The following GRIN2A variants were observed in gnomAD, a reference collection of about 807,000 sequenced individuals.
GRIN2A encodes the protein glutamate receptor ionotropic, NMDA 2A.
A neutral mutation model predicts 113.4 loss-of-function variants in GRIN2A; 22 were observed. The ratio of observed to expected loss-of-function variants is 0.19; its 90% CI spans 0.14 to 0.28. The LOEUF is 0.28. Ranked by LOEUF, GRIN2A falls within the 10% of genes least tolerant of loss-of-function variation. GRIN2A has a pLI of 1.00. For missense variants in GRIN2A, 1,502 were observed against 1,887.0 expected (o/e 0.80, Z 3.78); for synonymous variants, 827 against 738.4 (o/e 1.12, Z -1.94).
intron 2 of GRIN2A, among the ~76,000 whole-genome samples, chr16:10,138,145 C>T (rs56711591): frequency 0.024 from 3,615 of 152,294 alleles, 133 homozygotes; most frequent in African/African-American, 0.083. Flanking sequence ...GTAGATAATG[C>T]TTCATGAAAA....
In GRIN2A at chr16:9,938,112, T is replaced by A; in HGVS notation, c.854A>T (p.Asp285Val). ...CCTCACTCTCGCCTCCAGGCTGTAG[T>A]CCCAGTCATCGTAGGAGACAGAAAT... ...GLISVSYDDW[D>V]YSLEARVRDG... The change falls in exon 3 of 13, where the codon GAC becomes GTC. Residue 285 changes from aspartate to valine, a missense_variant. By Grantham distance (152) the Asp-to-Val change is radical (BLOSUM62 -3). Coordinates refer to ENST00000330684, the MANE Select transcript of GRIN2A (RefSeq NM_001134407.3). 1 of 1,614,074 alleles carries A rather than the reference T, an allele frequency of 6.2e-7. No individual in the cohort carries two copies. Among genetic ancestry groups the A allele is most frequent in the East Asian group, 2.2e-5 (1 of 44,844 alleles).
intron 2 of GRIN2A, among the ~76,000 whole-genome samples, chr16:9,978,108 T>C (rs1007231768): frequency 2.0e-5 from 3 of 152,148 alleles, no homozygotes; most frequent in Admixed American, 6.6e-5. Flanking sequence ...AGTTGGATGT[T>C]ATACTTCTAA....
At chr16:9,964,412 G>T (rs2141714367) in intron 2 of GRIN2A, among the ~76,000 whole-genome samples, 1 of 152,270 alleles carries the variant, frequency 6.6e-6, no homozygotes, top group Non-Finnish European at 1.5e-5. Context: ...GATCAGCCAT[G>T]GTGCGTTCAT....
chr16:9,776,481 C>T (rs945234548), intron 11 of GRIN2A, among the ~76,000 whole-genome samples: 8 of 152,044 alleles, frequency 5.3e-5, no homozygotes, highest in Non-Finnish European at 1.0e-4. Flanking sequence ...TTGTGATCCA[C>T]AGATCTGAGG....
chr16:9,818,253 C>G (rs979599961), intron 10 of GRIN2A, among the ~76,000 whole-genome samples: 6 of 151,846 alleles, frequency 4.0e-5, no homozygotes, highest in African/African-American at 1.4e-4. Flanking sequence ...TGGTGTAGCT[C>G]TGTGGTGGTA....
At chr16:10,081,681 C>G (rs1211629107) in intron 2 of GRIN2A, among the ~76,000 whole-genome samples, 1 of 152,182 alleles carries the variant, frequency 6.6e-6, no homozygotes, top group Admixed American at 6.5e-5. Context: ...AAGTTTCTAG[C>G]TGGAACTGGC....
chr16:9,818,214 A>G (rs1161965378), intron 10 of GRIN2A, among the ~76,000 whole-genome samples: 1 of 152,134 alleles, frequency 6.6e-6, no homozygotes, highest in Admixed American at 6.6e-5. Flanking sequence ...CGTTGAGAAG[A>G]CACAATCAAC....
chr16:9,796,543 T>C (rs1356512402), intron 11 of GRIN2A, among the ~76,000 whole-genome samples: 3 of 152,214 alleles, frequency 2.0e-5, no homozygotes, highest in Non-Finnish European at 4.4e-5. Context: ...CCACCTGACC[T>C]GCTTTGGACA....
At chr16:10,021,590 A>G (rs1440462753) in intron 2 of GRIN2A, among the ~76,000 whole-genome samples, 1 of 152,182 alleles carries the variant, frequency 6.6e-6, no homozygotes, top group East Asian at 1.9e-4. Context: ...GCAGGAGGGG[A>G]TTGACAGGAG....
intron 2 of GRIN2A, among the ~76,000 whole-genome samples, chr16:10,070,429 T>C (rs1596476528): frequency 6.6e-6 from 1 of 152,214 alleles, no homozygotes; most frequent in Non-Finnish European, 1.5e-5. Context: ...GATTTGTGCA[T>C]GCGTGTTAAA....
At position 10,045,773 on chromosome 16, in the gene GRIN2A, C is replaced by A. The variant is rs1596458939; in HGVS notation, c.415-107222G>T. On this transcript the variant is annotated intron_variant, in intron 2 of 12. Transcript: ENST00000330684. ...TGGGGTGCCCCACCCAACTTCCATG[C>A]CACCCTTTTCCAAGCTGATGGAGTC... Among the ~76,000 whole-genome samples, 3 of 152,332 alleles carry A rather than the reference C, an allele frequency of 2.0e-5. No homozygotes were observed. The South Asian group carries it at 6.2e-4, about 32-fold the overall frequency.
chr16:9,808,896 T>C (rs2042032547), intron 10 of GRIN2A, among the ~76,000 whole-genome samples: 1 of 151,976 alleles, frequency 6.6e-6, no homozygotes, highest in African/African-American at 2.4e-5. Context: ...ATATGACTGA[T>C]AGCCCTCATC....
At chr16:10,001,851 G>A (rs969744199) in intron 2 of GRIN2A, among the ~76,000 whole-genome samples, 2 of 152,154 alleles carry the variant, frequency 1.3e-5, no homozygotes, top group Non-Finnish European at 1.5e-5. Flanking sequence ...CAAATAAAAT[G>A]TCCACCACAA....
At chr16:10,052,639 C>G (rs1009390095) in intron 2 of GRIN2A, among the ~76,000 whole-genome samples, 2 of 152,180 alleles carry the variant, frequency 1.3e-5, no homozygotes. Flanking sequence ...AATGTAGGTC[C>G]TGTGCTGGAT....
chr16:10,144,053 C>G (rs1000660168), intron 2 of GRIN2A, among the ~76,000 whole-genome samples: 1 of 152,026 alleles, frequency 6.6e-6, no homozygotes, highest in African/African-American at 2.4e-5. Flanking sequence ...CATGAGGGTA[C>G]AGATATTTCT....
chr16:9,991,137 A>G (rs918705969), intron 2 of GRIN2A, among the ~76,000 whole-genome samples: 1 of 152,234 alleles, frequency 6.6e-6, no homozygotes, highest in African/African-American at 2.4e-5. Context: ...GGAAAATGGA[A>G]AAAGGCAAAT....
At chr16:10,036,725 C>T (rs1040891506) in intron 2 of GRIN2A, among the ~76,000 whole-genome samples, 1 of 151,832 alleles carries the variant, frequency 6.6e-6, no homozygotes, top group Non-Finnish European at 1.5e-5. Context: ...GGACTACAGG[C>T]GTGAGCCACC....
At chr16:10,069,784 A>G (rs144371581) in intron 2 of GRIN2A, among the ~76,000 whole-genome samples, 236 of 152,368 alleles carry the variant, frequency 1.5e-3, no homozygotes, top group African/African-American at 5.1e-3. Context: ...AAGGCCACTC[A>G]TACAGCCATA....
At chr16:10,045,098 T>C (rs549962063) in intron 2 of GRIN2A, among the ~76,000 whole-genome samples, 1 of 152,202 alleles carries the variant, frequency 6.6e-6, no homozygotes. Context: ...GATCTTTAGT[T>C]GATGTCATAG....
Sources: allele counts gnomAD v4.1 joint callset (sites outside exome capture counted in the v4.1 genomes callset), GRCh38; gene constraint gnomAD v4.1.1; transcripts MANE v1.5; gene names NCBI Gene and HGNC (gene_info 2026-07-23, HGNC 2026-07-21).